The following TBC1D14 variants were observed in gnomAD, a reference collection of about 807,000 sequenced individuals.
TBC1D14 encodes TBC1 domain family, member 14.
A neutral mutation model predicts 79.0 loss-of-function variants in TBC1D14; 26 were observed. That is an observed-to-expected ratio of 0.33 (90% CI 0.24 to 0.46). The LOEUF (loss-of-function observed/expected upper bound fraction) is 0.46. Among genes scored for constraint, TBC1D14 ranks in the 20% least tolerant of loss-of-function variants. The pLI is 1.00. For missense variants in TBC1D14, 769 were observed against 887.6 expected (o/e 0.87, Z 1.70); for synonymous variants, 394 against 349.9 (o/e 1.13, Z -1.40).
At chr4:7,014,645 C>T (rs775161284) in intron 12 of TBC1D14, 88 bp downstream of exon 12, 61 of 889,688 alleles carry the variant, frequency 6.9e-5, no homozygotes, top group Admixed American at 1.0e-4. Flanking sequence ...CTTCATGGCC[C>T]GGCTGAGTCC....
At chr4:6,935,267 T>G (rs1577057896) in intron 2 of TBC1D14, among the ~76,000 whole-genome samples, 1 of 151,104 alleles carries the variant, frequency 6.6e-6, no homozygotes, top group South Asian at 2.1e-4. Context: ...AAATACAGGG[T>G]TTTGTTTGTT....
intron 2 of TBC1D14, among the ~76,000 whole-genome samples, chr4:6,952,577 G>GA (rs1188930459): frequency 5.3e-5 from 8 of 152,236 alleles, no homozygotes; most frequent in African/African-American, 1.7e-4. Context: ...ACACAGTGCA[G>GA]ACATCTATGA....
rs376053456 is a variant in TBC1D14, at chr4:6,974,782, T to G, written c.843+7358T>G. Reference sequence around the variant, plus strand: ...AACACAATATTGAAAATGTCTAGAATGCAGTTCAAAATTAATTGGCTTAAG... The same window carrying G: ...AACACAATATTGAAAATGTCTAGAAGGCAGTTCAAAATTAATTGGCTTAAG... On this transcript the variant is annotated intron_variant, in intron 3 of 13. Coordinates refer to ENST00000409757, the MANE Select transcript of TBC1D14 (RefSeq NM_020773.3). Among the ~76,000 whole-genome samples the G allele has an allele frequency of 7.2e-5, 11 of 152,178 alleles. No individual in the cohort carries two copies. The East Asian group carries it at 9.6e-4, about 13-fold the overall frequency.
chr4:7,000,148 A>G (rs914391136), intron 6 of TBC1D14, among the ~76,000 whole-genome samples: 4 of 152,024 alleles, frequency 2.6e-5, no homozygotes, highest in Admixed American at 1.3e-4. Flanking sequence ...GAAACACTTT[A>G]TACCTGTTCT....
intron 3 of TBC1D14, among the ~76,000 whole-genome samples, chr4:6,989,777 C>T (rs922925622): frequency 3.3e-5 from 5 of 152,258 alleles, no homozygotes; most frequent in South Asian, 4.1e-4. Flanking sequence ...GAGACTGGGG[C>T]TCTGCTCAGG....
At chr4:7,005,225 C>T (rs1448975140) in intron 8 of TBC1D14, among the ~76,000 whole-genome samples, 1 of 151,940 alleles carries the variant, frequency 6.6e-6, no homozygotes, top group Non-Finnish European at 1.5e-5. Flanking sequence ...CATGGTGAAA[C>T]CCTGTCTCTA....
At chr4:7,026,472 T>C (rs1722383621) in intron 13 of TBC1D14, among the ~76,000 whole-genome samples, 1 of 152,242 alleles carries the variant, frequency 6.6e-6, no homozygotes, top group Non-Finnish European at 1.5e-5. Context: ...TTATAGTTGG[T>C]TGGAATCAAG....
At chr4:6,966,980 T>G (rs1335297579) in intron 2 of TBC1D14, among the ~76,000 whole-genome samples, 3 of 152,060 alleles carry the variant, frequency 2.0e-5, no homozygotes, top group East Asian at 1.9e-4. Context: ...GGGCTAATTT[T>G]TTGTATTTTT....
chr4:6,994,164 C>G lies in TBC1D14; in HGVS notation c.844-20C>G. 1.3e-6 allele frequency: 2 copies of G among 1,592,922 alleles called. No homozygotes were observed. Among genetic ancestry groups the G allele is most frequent in the Non-Finnish European group, 1.7e-6 (2 of 1,160,710 alleles). The stretch of plus-strand genomic sequence containing the variant: ...CCTATCTGAAAGGACCTGGAGTCAT[C>G]CCTGGTTTCTTTGTCCTAGGAATAT... On this transcript the variant is annotated intron_variant, in intron 3 of 13. Transcript: ENST00000409757.
At chr4:6,987,412 T>G in intron 3 of TBC1D14, 1 of 1,314,270 alleles carries the variant, frequency 7.6e-7, no homozygotes, top group Non-Finnish European at 9.8e-7. Context: ...CCCGTGGGCC[T>G]GTCCTGTCCT....
chr4:6,962,701 T>C (rs1186870222), intron 2 of TBC1D14, among the ~76,000 whole-genome samples: 15 of 152,000 alleles, frequency 9.9e-5, no homozygotes, highest in Non-Finnish European at 1.5e-5. Flanking sequence ...GGTCTGCCAC[T>C]CCTTGCCTGC....
chr4:6,979,368 T>A (rs1717147294), intron 3 of TBC1D14, among the ~76,000 whole-genome samples: 1 of 152,226 alleles, frequency 6.6e-6, no homozygotes, highest in Non-Finnish European at 1.5e-5. Flanking sequence ...GGCTTGCACC[T>A]GTAATCCCAG....
At chr4:7,002,953 C>CGT (rs1239299127) in intron 7 of TBC1D14, among the ~76,000 whole-genome samples, 1 of 152,106 alleles carries the variant, frequency 6.6e-6, no homozygotes, top group African/African-American at 2.4e-5. Context: ...GTCTCTGGCT[C>CGT]GTGTGTGTGG....
At chr4:6,982,356 C>T (rs1393827274) in intron 3 of TBC1D14, among the ~76,000 whole-genome samples, 1 of 152,106 alleles carries the variant, frequency 6.6e-6, no homozygotes, top group Non-Finnish European at 1.5e-5. Flanking sequence ...CGAAAGTTTG[C>T]GTGCTGTGAT....
chr4:7,003,258 C>A (rs1719847835), intron 7 of TBC1D14, among the ~76,000 whole-genome samples: 1 of 152,164 alleles, frequency 6.6e-6, no homozygotes, highest in South Asian at 2.1e-4. Context: ...CCCATTAAAC[C>A]CCGAGGCTGG....
chr4:6,955,928 C>A (rs925982230), intron 2 of TBC1D14, among the ~76,000 whole-genome samples: 12 of 152,182 alleles, frequency 7.9e-5, no homozygotes, highest in Non-Finnish European at 1.6e-4. Flanking sequence ...TCTCCCCAGC[C>A]TCCTACCTTC....
intron 2 of TBC1D14, among the ~76,000 whole-genome samples, chr4:6,934,471 C>T (rs925536553): frequency 1.4e-4 from 21 of 152,070 alleles, no homozygotes; most frequent in African/African-American, 5.1e-4. Context: ...CCAGCCTGGC[C>T]AACATGGTGA....
chr4:6,963,681 G>T (rs1031095152), intron 2 of TBC1D14, among the ~76,000 whole-genome samples: 1 of 152,196 alleles, frequency 6.6e-6, no homozygotes, highest in Admixed American at 6.5e-5. Context: ...GACTTGTTTT[G>T]GGGTCGCACT....
rs1577146604 is a variant in TBC1D14 at position 6,998,985 on chromosome 4, G to A, written c.1046-100G>A. 8.6e-6 allele frequency: 10 copies of A among 1,163,154 alleles called. No homozygotes were observed. The East Asian group carries it at 2.5e-4, about 29-fold the overall frequency. The allele number at this position is 1,163,154 out of a possible 1,614,324, so 72.1% of individuals were successfully genotyped here. A position where few individuals can be genotyped will look rare whatever the true frequency, so the allele number is the denominator to read the frequency against. ...CTGATGCTCGCTCTGCTTCAGGGCG[G>A]TTTTCCTGGTGTGTTCGCAGTGTGA... On this transcript the variant is annotated intron_variant, in intron 5 of 13. Transcript: ENST00000409757.
Sources: gnomAD v4.1 joint callset for allele counts (sites outside exome capture counted in the v4.1 genomes callset) on GRCh38, gnomAD v4.1.1 for gene constraint, MANE v1.5 for transcripts, NCBI Gene and HGNC (gene_info 2026-07-23, HGNC 2026-07-21) for gene names.